MPP4: variants seen among roughly 807,000 people sequenced by gnomAD.
MPP4 encodes the protein MAGUK p55 subfamily member 4.
In MPP4, 91 loss-of-function variants were observed where a neutral mutation model predicts 98.3. The observed-to-expected ratio is 0.93, with a 90% CI of 0.78 to 1.10. The LOEUF is 1.10. Among genes scored for constraint, MPP4 ranks in the 50% least tolerant of loss-of-function variants. The pLI is 0.00. For synonymous variants in MPP4, 261 were observed against 271.8 expected (o/e 0.96, Z 0.39); for missense variants, 744 against 792.9 (o/e 0.94, Z 0.74).
intron 1 of MPP4, among the ~76,000 whole-genome samples, chr2:201,695,911 A>G (rs1393599226): frequency 1.8e-4 from 28 of 152,198 alleles, no homozygotes; most frequent in Admixed American, 1.8e-3. Context: ...TAAAGAATAC[A>G]TTAAGGTTTT....
At chr2:201,681,612 A>G in intron 8 of MPP4, 45 bp from the exon 9 acceptor site, 1 of 1,505,826 alleles carries the variant, frequency 6.6e-7, no homozygotes, top group Non-Finnish European at 9.2e-7. Context: ...TGGAGCTAGC[A>G]GGGTTACTGG....
chr2:201,682,788 C>G (rs1251535051), intron 8 of MPP4, 43 bp downstream of exon 8: 1 of 1,558,958 alleles, frequency 6.4e-7, no homozygotes, highest in African/African-American at 1.4e-5. Flanking sequence ...TCAGCCTTGG[C>G]ATTTCTCCAA....
intron 13 of MPP4, chr2:201,664,408 T>A: frequency 9.0e-7 from 1 of 1,113,114 alleles, no homozygotes; most frequent in Non-Finnish European, 1.2e-6. Context: ...AAGGGGAAAG[T>A]GGAATGTCAG....
At chr2:201,657,799 G>C (rs571374677) in intron 16 of MPP4, among the ~76,000 whole-genome samples, 2 of 151,676 alleles carry the variant, frequency 1.3e-5, no homozygotes, top group South Asian at 4.2e-4. Context: ...TCTGACAATT[G>C]GCACCAGGCT....
At chr2:201,691,711 G>A (rs564153566) in intron 3 of MPP4, among the ~76,000 whole-genome samples, 1 of 152,046 alleles carries the variant, frequency 6.6e-6, no homozygotes, top group Admixed American at 6.6e-5. Flanking sequence ...TAGAGACAGG[G>A]TTTTGCCATG....
chr2:201,698,636 G>A lies in MPP4; in HGVS notation c.-150C>T. On this transcript the variant is annotated 5_prime_UTR_variant, in exon 1 of 22. Coordinates refer to ENST00000409474, the MANE Select transcript of MPP4 (RefSeq NM_033066.3). ...TGCTCCTATCCAGACAAAAGCTTTA[G>A]TAGGATACTAGTGGCCTGTTAGCTG... is the stretch of plus-strand genomic sequence containing the variant. 2 of 1,301,612 alleles carry A rather than the reference G, an allele frequency of 1.5e-6. No homozygotes were observed. Among genetic ancestry groups the A allele is most frequent in the Non-Finnish European group, 2.0e-6 (2 of 988,006 alleles). The allele number at this position is 1,301,612 out of a possible 1,614,324, so 80.6% of individuals were successfully genotyped here.
chr2:201,672,309 C>A (rs1022889067), intron 11 of MPP4, among the ~76,000 whole-genome samples: 2 of 151,964 alleles, frequency 1.3e-5, no homozygotes, highest in African/African-American at 4.8e-5. Context: ...GATCCAAAAT[C>A]GAAACCCTAA....
At chr2:201,690,142 A>G (rs1688966524) in intron 4 of MPP4, 60 bp downstream of exon 4, 1 of 1,101,090 alleles carries the variant, frequency 9.1e-7, no homozygotes, top group South Asian at 1.6e-5. Flanking sequence ...TGAACTAGCA[A>G]TGTGGGGAAA....
At chr2:201,685,813 A>C in intron 6 of MPP4, 106 bp downstream of exon 6, 1 of 1,349,512 alleles carries the variant, frequency 7.4e-7, no homozygotes, top group Non-Finnish European at 1.0e-6. Flanking sequence ...ATCACTGTAT[A>C]TGTGATCGCA....
chr2:201,645,415 AAT>A lies in MPP4; in HGVS notation c.1720-13_1720-12del. The A allele has an allele frequency of 6.2e-7, 1 of 1,610,908 alleles. No individual in the cohort carries two copies. Among genetic ancestry groups the A allele is most frequent in the Non-Finnish European group, 8.5e-7 (1 of 1,177,334 alleles). On this transcript the variant is annotated splice_polypyrimidine_tract_variant and intron_variant, in intron 21 of 21. Coordinates refer to ENST00000409474, the MANE Select transcript of MPP4 (RefSeq NM_033066.3). ...TTGTAGGTCTTCATCCTTTAGGAGA[AAT>A]AGAAAAATATGGATAGTACAGACTT...
chr2:201,697,913 T>C, intron 1 of MPP4: 1 of 984,676 alleles, frequency 1.0e-6, no homozygotes, highest in Non-Finnish European at 1.2e-6. Flanking sequence ...CCTGGCATGA[T>C]GCCTGGCAAA....
intron 5 of MPP4, 75 bp from the exon 6 acceptor site, chr2:201,686,125 C>A: frequency 6.6e-7 from 1 of 1,516,580 alleles, no homozygotes; most frequent in South Asian, 1.3e-5. Flanking sequence ...TAACTCAATA[C>A]TATCTAAGAC....
At chr2:201,676,454 CT>C (rs1054992337) in intron 10 of MPP4, among the ~76,000 whole-genome samples, 2 of 152,232 alleles carry the variant, frequency 1.3e-5, no homozygotes, top group Non-Finnish European at 2.9e-5. Flanking sequence ...TAGTTCCCCA[CT>C]TTTGAAATGG....
rs117728476 is a variant in MPP4, at chr2:201,654,099, C to T, written c.1381+738G>A. ...TTAAGCGATTATCTGTCTCAGCCTC[C>T]TGAGTAGCTGGGATTACAGGCATGC... is the stretch of plus-strand genomic sequence containing the variant. On this transcript the variant is annotated intron_variant, in intron 18 of 21. Transcript: ENST00000409474. Among the ~76,000 whole-genome samples, 130 of 152,144 alleles carry T rather than the reference C, an allele frequency of 8.5e-4. 1 individual carries two copies. The East Asian group carries it at 0.023, about 27-fold the overall frequency.
intron 8 of MPP4, 61 bp downstream of exon 8, chr2:201,682,770 G>A: frequency 6.9e-7 from 1 of 1,457,852 alleles, no homozygotes; most frequent in South Asian, 1.1e-5. Context: ...GGGCTTGATG[G>A]TCCCAGTTCA....
At chr2:201,647,355 C>T (rs1687593283) in intron 21 of MPP4, among the ~76,000 whole-genome samples, 1 of 150,982 alleles carries the variant, frequency 6.6e-6, no homozygotes. Context: ...AAGCTAGACC[C>T]AAAAAAATAA....
intron 21 of MPP4, among the ~76,000 whole-genome samples, chr2:201,646,386 C>T (rs1687559379): frequency 6.6e-6 from 1 of 152,188 alleles, no homozygotes; most frequent in African/African-American, 2.4e-5. Context: ...TTGGCATTCA[C>T]TTGGCACTAA....
intron 12 of MPP4, among the ~76,000 whole-genome samples, chr2:201,667,199 C>T (rs1688206682): frequency 6.6e-6 from 1 of 152,214 alleles, no homozygotes. Flanking sequence ...CTCTCTACAG[C>T]ATGATCTAAA....
At chr2:201,661,996 C>A in intron 14 of MPP4, 2 of 333,170 alleles carry the variant, frequency 6.0e-6, no homozygotes, top group Non-Finnish European at 1.2e-5. Context: ...ACAGGCCAAC[C>A]ATCTAACGGA....
Sources: allele counts gnomAD v4.1 joint callset (sites outside exome capture counted in the v4.1 genomes callset), GRCh38; gene constraint gnomAD v4.1.1; transcripts MANE v1.5; gene names NCBI Gene and HGNC (gene_info 2026-07-23, HGNC 2026-07-21).